The following RPS6KC1 variants were observed in gnomAD, a reference collection of about 807,000 sequenced individuals.
RPS6KC1 encodes the protein ribosomal protein S6 kinase C1, also known as inactive ribosomal protein S6 kinase delta-1.
In RPS6KC1, 54 loss-of-function variants were observed where a neutral mutation model predicts 103.8. The ratio of observed to expected loss-of-function variants is 0.52; its 90% CI spans 0.42 to 0.65. The LOEUF (loss-of-function observed/expected upper bound fraction) is 0.65. RPS6KC1 is among the 30% of genes least tolerant of loss of function. The pLI, the probability that RPS6KC1 is intolerant of heterozygous loss-of-function variation, is 0.00. For missense variants in RPS6KC1, 1,151 were observed against 1,253.8 expected (o/e 0.92, Z 1.24); for synonymous variants, 439 against 438.7 (o/e 1.00, Z -0.01).
chr1:213,380,534 GC>G, the RPS6KC1 span, among the ~76,000 whole-genome samples: 1 of 151,140 alleles, frequency 6.6e-6, no homozygotes, highest in African/African-American at 2.5e-5. Flanking sequence ...AATATTAAGT[GC>G]CCTCACCAGA....
intron 8 of RPS6KC1, chr1:213,176,754 AGT>A (rs2091900611): frequency 3.8e-6 from 1 of 265,940 alleles, no homozygotes; most frequent in African/African-American, 2.1e-5. Flanking sequence ...GTTTTATAGA[AGT>A]GTTATAGCAG....
chr1:213,293,391 A>G, the RPS6KC1 span, among the ~76,000 whole-genome samples: 1 of 152,118 alleles, frequency 6.6e-6, no homozygotes, highest in Non-Finnish European at 1.5e-5. Flanking sequence ...CTCTACCCCC[A>G]TTATAAAGAC....
rs755272556 is a variant in RPS6KC1, at chr1:213,058,433, G to GT, written c.105+6935dup. Among the ~76,000 whole-genome samples the GT allele has an allele frequency of 1.7e-3, 248 of 144,044 alleles. 2 individuals are homozygous for GT. The East Asian group carries it at 0.024, about 14-fold the overall frequency. 94.5% of individuals were successfully genotyped at this position (144,044 alleles called of 152,430 possible). A position where few individuals can be genotyped will look rare whatever the true frequency, so the allele number is the denominator to read the frequency against. Reference sequence around the variant, plus strand: ...ATTTTGCTCTATGATCCATTTTGAGGTTTTTTTTTTTGTTTTTTGTTTTTT... The same window carrying GT: ...ATTTTGCTCTATGATCCATTTTGAGGTTTTTTTTTTTTGTTTTTTGTTTTTT... On this transcript the variant is annotated intron_variant, in intron 1 of 14. Transcript: ENST00000366960.
At chr1:213,625,484 T>C in the RPS6KC1 span, among the ~76,000 whole-genome samples, 1 of 152,184 alleles carries the variant, frequency 6.6e-6, no homozygotes, top group Non-Finnish European at 1.5e-5. Context: ...AACGTGCAGG[T>C]TTGTTACATA....
chr1:213,719,579 A>T, the RPS6KC1 span, among the ~76,000 whole-genome samples: 2 of 152,140 alleles, frequency 1.3e-5, no homozygotes, highest in Non-Finnish European at 2.9e-5. Context: ...CATCTCTTGA[A>T]CATGAAGAGG....
chr1:213,571,301 A>G, the RPS6KC1 span, among the ~76,000 whole-genome samples: 1 of 152,204 alleles, frequency 6.6e-6, no homozygotes, highest in Non-Finnish European at 1.5e-5. Context: ...GGGGACACAG[A>G]AACAGCTTTG....
the RPS6KC1 span, among the ~76,000 whole-genome samples, chr1:213,691,656 A>T: frequency 3.3e-5 from 5 of 152,162 alleles, no homozygotes; most frequent in African/African-American, 4.8e-5. Flanking sequence ...ATTCTATGTT[A>T]TAATGATTGA....
chr1:213,168,044 A>G, intron 7 of RPS6KC1, 71 bp downstream of exon 7: 2 of 893,882 alleles, frequency 2.2e-6, no homozygotes, highest in Non-Finnish European at 3.5e-6. Flanking sequence ...CTTTATTTCT[A>G]ATTAGAATGT....
the RPS6KC1 span, among the ~76,000 whole-genome samples, chr1:213,540,983 T>A: frequency 6.6e-6 from 1 of 151,952 alleles, no homozygotes; most frequent in African/African-American, 2.4e-5. Context: ...GCAATTCAGT[T>A]AAAGCTCCAG....
intron 6 of RPS6KC1, among the ~76,000 whole-genome samples, chr1:213,166,810 A>G (rs1056161667): frequency 2.6e-5 from 4 of 152,232 alleles, no homozygotes; most frequent in African/African-American, 7.2e-5. Flanking sequence ...AATTCGGACT[A>G]CCTCAGGGAA....
At chr1:213,479,246 A>G in the RPS6KC1 span, among the ~76,000 whole-genome samples, 3 of 152,066 alleles carry the variant, frequency 2.0e-5, no homozygotes, top group Non-Finnish European at 2.9e-5. Flanking sequence ...ATATGAAACT[A>G]GAAGTGGAAT....
chr1:213,112,137 A>G (rs1168387332), intron 4 of RPS6KC1, among the ~76,000 whole-genome samples: 1 of 152,086 alleles, frequency 6.6e-6, no homozygotes, highest in Non-Finnish European at 1.5e-5. Flanking sequence ...TGAAGTAGAG[A>G]GGAAATGGGG....
the RPS6KC1 span, among the ~76,000 whole-genome samples, chr1:213,791,478 A>G: frequency 1.8e-4 from 27 of 152,278 alleles, no homozygotes; most frequent in East Asian, 5.0e-3. Flanking sequence ...CTATTTCTAA[A>G]CAGCCATTAG....
chr1:213,311,296 A>C, the RPS6KC1 span, among the ~76,000 whole-genome samples: 15 of 151,612 alleles, frequency 9.9e-5, 1 homozygote, highest in African/African-American at 3.4e-4. Flanking sequence ...CCGCCACCAC[A>C]CCCGGCTAAT....
rs771808271 is a variant in RPS6KC1 at position 213,077,688 on chromosome 1, C to T, written c.142-8C>T. On this transcript the variant is annotated splice_region_variant and splice_polypyrimidine_tract_variant and intron_variant, in intron 2 of 14. Transcript: ENST00000366960. ...TATGAGATACATGTTTAATTTTTTTCTCTCTAGATAATTGTATGGAAGAGA... is the reference window on the plus strand; with the variant it reads ...TATGAGATACATGTTTAATTTTTTTTTCTCTAGATAATTGTATGGAAGAGA... The T allele has an allele frequency of 1.4e-6, 2 of 1,399,734 alleles. No individual in the cohort carries two copies. The highest frequency in any genetic ancestry group is 1.9e-6 in the Non-Finnish European group (2 of 1,029,600). 86.7% of individuals were successfully genotyped at this position (1,399,734 alleles called of 1,614,324 possible).
At chr1:213,489,341 A>G in the RPS6KC1 span, among the ~76,000 whole-genome samples, 1 of 152,192 alleles carries the variant, frequency 6.6e-6, no homozygotes, top group African/African-American at 2.4e-5. Flanking sequence ...AGTGAATGGC[A>G]GGAAAGCCAG....
chr1:213,547,733 C>T, the RPS6KC1 span, among the ~76,000 whole-genome samples: 1 of 152,202 alleles, frequency 6.6e-6, no homozygotes, highest in Non-Finnish European at 1.5e-5. Context: ...CTGCCTTTTT[C>T]TTCGTCCTTC....
the RPS6KC1 span, among the ~76,000 whole-genome samples, chr1:213,717,806 C>T: frequency 6.6e-6 from 1 of 152,120 alleles, no homozygotes; most frequent in Non-Finnish European, 1.5e-5. Context: ...TTTTCTCAGG[C>T]CAGTATCTGA....
chr1:213,265,961 T>G (rs900831771), intron 14 of RPS6KC1, among the ~76,000 whole-genome samples: 2 of 152,220 alleles, frequency 1.3e-5, no homozygotes, highest in African/African-American at 4.8e-5. Flanking sequence ...TCCCTGAGCT[T>G]CTGTTTTCTC....
Sources: allele counts gnomAD v4.1 joint callset (sites outside exome capture counted in the v4.1 genomes callset), GRCh38; gene constraint gnomAD v4.1.1; transcripts MANE v1.5; gene names NCBI Gene and HGNC (gene_info 2026-07-23, HGNC 2026-07-21).